DNAH17: variants seen among roughly 807,000 people sequenced by gnomAD.
DNAH17 encodes the protein axonemal beta dynein heavy chain 17.
In DNAH17, 376 loss-of-function variants were observed where a neutral mutation model predicts 485.6. The ratio of observed to expected loss-of-function variants is 0.77; its 90% CI spans 0.71 to 0.84. The LOEUF is 0.84. Among genes scored for constraint, DNAH17 ranks in the 40% least tolerant of loss-of-function variants. The pLI is 0.00. For synonymous variants in DNAH17, 3,031 were observed against 2,405.9 expected, an observed-to-expected ratio of 1.26 and a Z score of -7.60; for missense variants, 6,370 against 5,839.3, an observed-to-expected ratio of 1.09 and a Z score of -2.96.
intron 72 of DNAH17, among the ~76,000 whole-genome samples, chr17:78,440,295 C>A (rs556349405): frequency 2.9e-5 from 4 of 138,236 alleles, no homozygotes; most frequent in Non-Finnish European, 6.1e-5. Flanking sequence ...CTTACTCGGT[C>A]GCCCAGGCTG....
Position 78,502,868 on chromosome 17 carries a change from C to T in DNAH17, c.5082+18G>A, listed in dbSNP as rs2090348445. ...ATCTCAGCCACGAGGCGCCGCCGAGCCCCCACCCGCCTCAGACCTGGGCTG... is the reference window on the plus strand; with the variant it reads ...ATCTCAGCCACGAGGCGCCGCCGAGTCCCCACCCGCCTCAGACCTGGGCTG... On this transcript the variant is annotated intron_variant, in intron 32 of 80. Transcript: ENST00000389840. The T allele has an allele frequency of 1.2e-6, 2 of 1,609,566 alleles. No individual in the cohort carries two copies. Among genetic ancestry groups the T allele is most frequent in the Non-Finnish European group, 1.7e-6 (2 of 1,177,746 alleles).
intron 14 of DNAH17, among the ~76,000 whole-genome samples, chr17:78,553,035 G>A (rs368141670): frequency 1.3e-5 from 2 of 152,110 alleles, no homozygotes; most frequent in Non-Finnish European, 2.9e-5. Context: ...CCCCGATGCC[G>A]TTCTTGGGAT....
intron 17 of DNAH17, among the ~76,000 whole-genome samples, chr17:78,540,682 A>G (rs1458587808): frequency 1.5e-5 from 1 of 65,886 alleles, no homozygotes; most frequent in Admixed American, 2.0e-4. Context: ...AGATGGACAG[A>G]TGGATGGGTG....
intron 25 of DNAH17, among the ~76,000 whole-genome samples, chr17:78,516,654 C>T (rs1195534555): frequency 3.4e-5 from 5 of 146,350 alleles, no homozygotes; most frequent in African/African-American, 1.3e-4. Context: ...CACATCACTG[C>T]ACTCCAGCCT....
At chr17:78,443,885 GGCT>G in intron 71 of DNAH17, among the ~76,000 whole-genome samples, 1 of 152,142 alleles carries the variant, frequency 6.6e-6, no homozygotes, top group South Asian at 2.1e-4. Flanking sequence ...TGGGAAACCT[GGCT>G]GCTTTCAGGC....
chr17:78,430,395 C>T (rs879423528), intron 75 of DNAH17, among the ~76,000 whole-genome samples: 7 of 152,202 alleles, frequency 4.6e-5, no homozygotes, highest in Non-Finnish European at 8.8e-5. Flanking sequence ...CTTCCGCACA[C>T]CTGTTCTTTC....
At chr17:78,512,940 C>CAAAAAA (rs57734613) in intron 26 of DNAH17, among the ~76,000 whole-genome samples, 11 of 83,266 alleles carry the variant, frequency 1.3e-4, no homozygotes, top group East Asian at 3.6e-4. Flanking sequence ...GACTCTAACT[C>CAAAAAA]AAAAAAAAAA....
chr17:78,439,273 G>C (rs1473075075), intron 72 of DNAH17, 56 bp from the exon 73 acceptor site: 1 of 1,541,832 alleles, frequency 6.5e-7, no homozygotes, highest in African/African-American at 1.4e-5. Context: ...CACAGGTTCA[G>C]GCTCTGTGAT....
At position 78,545,365 on chromosome 17, in the gene DNAH17, A is replaced by G. The variant is rs944977482; in HGVS notation, c.2392-1368T>C. Among the ~76,000 whole-genome samples, 5 of 152,174 alleles carry G rather than the reference A, an allele frequency of 3.3e-5. No homozygotes were observed. In the South Asian group the frequency reaches 1.0e-3, roughly 32 times the overall value. On this transcript the variant is annotated intron_variant, in intron 16 of 80. Coordinates refer to ENST00000389840, the MANE Select transcript of DNAH17 (RefSeq NM_173628.4). ...GATTACTATAAGCAAAATACCATAT[A>G]CTAGGGGGCTTAAGCAACAGACATT...
At position 78,544,535 on chromosome 17, in the gene DNAH17, G is replaced by A. The variant is rs145291211; in HGVS notation, c.2392-538C>T. 7.2e-3 allele frequency among the ~76,000 whole-genome samples: 1,095 copies of A among 152,310 alleles called. 7 individuals carry two copies. The highest frequency in any genetic ancestry group is 0.015 in the Admixed American group (229 of 15,300). On this transcript the variant is annotated intron_variant, in intron 16 of 80. Coordinates refer to ENST00000389840, the MANE Select transcript of DNAH17 (RefSeq NM_173628.4). ...GGTGGCCACTTGGCCGGGCGCGGTG[G>A]CCCATGCCTGTAATCCCAGCACTTT... is the stretch of plus-strand genomic sequence containing the variant.
intron 55 of DNAH17, among the ~76,000 whole-genome samples, chr17:78,467,975 G>A (rs896989908): frequency 2.0e-5 from 3 of 146,952 alleles, no homozygotes; most frequent in Non-Finnish European, 4.4e-5. Context: ...CTAAGATCAC[G>A]CCATTGCACT....
chr17:78,533,047 G>A, intron 19 of DNAH17: 1 of 252,646 alleles, frequency 4.0e-6, no homozygotes, highest in South Asian at 7.3e-5. Context: ...ACGTGCCACT[G>A]TGCCTGGCCC....
intron 14 of DNAH17, among the ~76,000 whole-genome samples, chr17:78,556,220 T>C (rs2092019811): frequency 6.6e-6 from 1 of 152,180 alleles, no homozygotes; most frequent in African/African-American, 2.4e-5. Flanking sequence ...CCGATCTATC[T>C]ATCCATCCAT....
intron 75 of DNAH17, among the ~76,000 whole-genome samples, chr17:78,429,692 G>A (rs1015400356): frequency 1.3e-5 from 2 of 152,166 alleles, no homozygotes; most frequent in Admixed American, 1.3e-4. Context: ...CCCACTCTGT[G>A]TTACCATCTG....
rs779637890 is a variant in DNAH17 at position 78,459,789 on chromosome 17, G to A, written c.9648C>T (p.Ala3216=). 3.7e-6 allele frequency: 6 copies of A among 1,613,908 alleles called. No homozygotes were observed. In the Admixed American group the frequency reaches 8.3e-5, roughly 22 times the overall value. The change falls in exon 60 of 81, where the codon GCC becomes GCT. Residue 3216 remains alanine (A), a synonymous_variant. Transcript: ENST00000389840. ...GAGGCCCAGCCCCGACTCACTTGAA[G>A]GCCTTCAGGCAGGCCTCAGGGATGT... ...KEHIPEACLK[A]FKPYQGNPTF... is the part of the protein sequence containing the mutation.
intron 71 of DNAH17, among the ~76,000 whole-genome samples, chr17:78,443,566 T>C (rs924646601): frequency 7.1e-6 from 1 of 141,776 alleles, no homozygotes; most frequent in African/African-American, 2.6e-5. Flanking sequence ...TATTTTTATT[T>C]TGAGGCAGGG....
At position 78,478,387 on chromosome 17, in the gene DNAH17, TATC is replaced by T. The variant is rs530762539; in HGVS notation, c.7992+635_7992+637del. On this transcript the variant is annotated intron_variant, in intron 51 of 80. Transcript: ENST00000389840. ...CCACCACCATCACTGCCACCACTAT[TATC>T]ATCAGCACCACCATCACTACCACTA... 1.0e-3 allele frequency among the ~76,000 whole-genome samples: 149 copies of T among 144,734 alleles called. 2 individuals carry two copies. The East Asian group carries it at 0.013, about 12-fold the overall frequency. The allele number at this position is 144,734 out of a possible 152,430, so 95.0% of individuals were successfully genotyped here. A position where few individuals can be genotyped will look rare whatever the true frequency, so the allele number is the denominator to read the frequency against.
chr17:78,438,747 C>A (rs959659297), intron 73 of DNAH17, among the ~76,000 whole-genome samples: 8 of 152,168 alleles, frequency 5.3e-5, no homozygotes, highest in African/African-American at 1.9e-4. Context: ...GATCCGCCTG[C>A]CTTGGCCTCC....
At position 78,525,134 on chromosome 17, in the gene DNAH17, C is replaced by T; in HGVS notation, c.3739G>A (p.Gly1247Ser). The change falls in exon 25 of 81, where the codon GGC becomes AGC. Residue 1247 changes from glycine (G) to serine (S), a missense_variant. Physicochemically the swap from Gly to Ser is moderately conservative, Grantham distance 56 (BLOSUM62 0). Coordinates refer to ENST00000389840, the MANE Select transcript of DNAH17 (RefSeq NM_173628.4). ...KQQKSISAME[G>S]IMEALSKSGG... ...GACTTGGACAGCGCCTCCATGATGC[C>T]TTCCATGGCGGAGATGCTCTTTTGT... 6 of 1,613,600 alleles carry T rather than the reference C, an allele frequency of 3.7e-6. No individual in the cohort carries two copies. The highest frequency in any genetic ancestry group is 5.1e-6 in the Non-Finnish European group (6 of 1,179,788).
Sources: gnomAD v4.1 joint callset for allele counts (sites outside exome capture counted in the v4.1 genomes callset) on GRCh38, gnomAD v4.1.1 for gene constraint, MANE v1.5 for transcripts, NCBI Gene and HGNC (gene_info 2026-07-23, HGNC 2026-07-21) for gene names.